The following MAS1 variants were observed in gnomAD, a reference collection of about 807,000 sequenced individuals.
The protein encoded by MAS1 is proto-oncogene Mas.
For missense variants in MAS1, 387 were observed against 409.7 expected, an observed-to-expected ratio of 0.94 and a Z score of 0.48; for synonymous variants, 163 against 164.2, an observed-to-expected ratio of 0.99 and a Z score of 0.05.
At chr6:159,893,327 G>C (rs1021565950) in intron 1 of MAS1, among the ~76,000 whole-genome samples, 1 of 152,208 alleles carries the variant, frequency 6.6e-6, no homozygotes, top group Non-Finnish European at 1.5e-5. Flanking sequence ...CTGCATGGGG[G>C]GTACAGGGAA....
rs907571960 is a variant in MAS1 at position 159,891,523 on chromosome 6, A to C, written c.-244+390A>C. ...AAGCTTATGAATGATAAAGAAGTTG[A>C]GGTTTGAAAGAGTTGTTACTGAATT... On this transcript the variant is annotated intron_variant, in intron 1 of 2. Coordinates refer to ENST00000674077, the MANE Select transcript of MAS1 (RefSeq NM_002377.4). 6.6e-5 allele frequency among the ~76,000 whole-genome samples: 10 copies of C among 152,198 alleles called. No homozygotes were observed. In the East Asian group the frequency reaches 1.9e-3, roughly 29 times the overall value.
chr6:159,907,996 G>C lies in MAS1; in HGVS notation c.*63G>C, dbSNP rs1782918494. The C allele has an allele frequency of 2.7e-6, 4 of 1,506,890 alleles. No individual in the cohort carries two copies. The South Asian group carries it at 5.4e-5, about 20-fold the overall frequency. The allele number at this position is 1,506,890 out of a possible 1,614,324, so 93.3% of individuals were successfully genotyped here. On this transcript the variant is annotated 3_prime_UTR_variant, in exon 3 of 3. Transcript: ENST00000674077. ...ACAGGTCATTTTTAGTTTGTGCTTGGAATATGACTTAAGTATCTCCTAAAT... is the reference window on the plus strand; with the variant it reads ...ACAGGTCATTTTTAGTTTGTGCTTGCAATATGACTTAAGTATCTCCTAAAT...
Position 159,907,607 on chromosome 6 carries a change from A to G in MAS1, c.652A>G (p.Thr218Ala). 5.0e-6 allele frequency: 8 copies of G among 1,613,752 alleles called. No homozygotes were observed. Among genetic ancestry groups the G allele is most frequent in the Non-Finnish European group, 6.8e-6 (8 of 1,179,942 alleles). The change falls in exon 3 of 3, where the codon ACG (threonine) becomes GCG (alanine). Residue 218 changes from threonine to alanine, a missense_variant. Transcript: ENST00000674077. ...TILVVKIRKN[T>A]WASHSSKLYI... Reference sequence around the variant, plus strand: ...CTTGGTCGTGAAGATCCGGAAGAACACGTGGGCTTCCCATTCCTCCAAGCT... The same window carrying G: ...CTTGGTCGTGAAGATCCGGAAGAACGCGTGGGCTTCCCATTCCTCCAAGCT...
At chr6:159,894,363 G>T (rs1341000385) in intron 1 of MAS1, among the ~76,000 whole-genome samples, 1 of 148,338 alleles carries the variant, frequency 6.7e-6, no homozygotes, top group Admixed American at 6.8e-5. Flanking sequence ...AGGCTGAATT[G>T]AGTGGAGATG....
At chr6:159,895,034 A>C (rs1336855292) in intron 1 of MAS1, among the ~76,000 whole-genome samples, 2 of 152,220 alleles carry the variant, frequency 1.3e-5, no homozygotes, top group Non-Finnish European at 2.9e-5. Flanking sequence ...TCTTTTAAGG[A>C]TCTTAATTAC....
chr6:159,889,254 C>A (rs1262483291), upstream of MAS1, among the ~76,000 whole-genome samples: 1 of 152,222 alleles, frequency 6.6e-6, no homozygotes, highest in African/African-American at 2.4e-5. Flanking sequence ...CTGTTAGGCA[C>A]TGGAAAAAGC....
rs1782912226 is a variant in MAS1 at position 159,907,708 on chromosome 6, C to T, written c.753C>T (p.Tyr251=). ...CCATGAGACTCCTTTACCTGCTGTA[C>T]TATGAGTATTGGTCGACCTTTGGGA... ...AMPMRLLYLL[Y]YEYWSTFGNL... Residue 251 remains tyrosine (Y), a synonymous_variant, in exon 3 of 3, where the codon TAC becomes TAT. Coordinates refer to ENST00000674077, the MANE Select transcript of MAS1 (RefSeq NM_002377.4). The T allele has an allele frequency of 1.2e-6, 2 of 1,613,724 alleles. No individual in the cohort carries two copies. Among genetic ancestry groups the T allele is most frequent in the Non-Finnish European group, 1.7e-6 (2 of 1,179,952 alleles).
chr6:159,907,684 C>A lies in MAS1; in HGVS notation c.729C>A (p.Pro243=). 5 of 1,613,744 alleles carry A rather than the reference C, an allele frequency of 3.1e-6. No individual in the cohort carries two copies. The highest frequency in any genetic ancestry group is 4.2e-6 in the Non-Finnish European group (5 of 1,179,952). Reference sequence around the variant, plus strand: ...TTATATTCCTCATCTTCGCTATGCCCATGAGACTCCTTTACCTGCTGTACT... The same window carrying A: ...TTATATTCCTCATCTTCGCTATGCCAATGAGACTCCTTTACCTGCTGTACT... The part of the protein sequence containing the change: ...TIIIFLIFAM[P]MRLLYLLYYE... Residue 243 remains proline, a synonymous_variant, in exon 3 of 3, where the codon CCC becomes CCA. Transcript: ENST00000674077.
chr6:159,916,345 G>A lies in MAS1; in HGVS notation c.*8412G>A, dbSNP rs1457062124. On this transcript the variant is annotated 3_prime_UTR_variant, in exon 3 of 3. Transcript: ENST00000674077. ...GGTGGTGGCCGGGGGCTGGAGGGAG[G>A]AGGGAGTGGGGAGTTAGTGTTTAGT... 6.6e-6 allele frequency: 1 copy of A among 152,180 alleles called. No individual in the cohort carries two copies. The highest frequency in any genetic ancestry group is 2.4e-5 in the African/African-American group (1 of 41,428). 9.4% of individuals were successfully genotyped at this position (152,180 alleles called of 1,614,324 possible).
At position 159,917,133 on chromosome 6, in the gene MAS1, CAATCCT is replaced by C; in HGVS notation, c.*9201_*9206del. ...GTGTGGCTGCAGCACGTCCATTTGA[CAATCCT>C]GACCTCGGTGGTGGCAAATCTTCCT... On this transcript the variant is annotated 3_prime_UTR_variant, in exon 3 of 3. Transcript: ENST00000674077. Among the ~76,000 whole-genome samples, 2 of 152,164 alleles carry C rather than the reference CAATCCT, an allele frequency of 1.3e-5. No homozygotes were observed. Among genetic ancestry groups the C allele is most frequent in the African/African-American group, 2.4e-5 (1 of 41,426 alleles).
At chr6:159,899,721 A>G (rs1225204597) in intron 2 of MAS1, among the ~76,000 whole-genome samples, 2 of 152,202 alleles carry the variant, frequency 1.3e-5, no homozygotes, top group Non-Finnish European at 2.9e-5. Context: ...TTTGGGCAAC[A>G]GAGCAAGACA....
chr6:159,905,250 G>C (rs1463739988), intron 2 of MAS1, among the ~76,000 whole-genome samples: 1 of 152,208 alleles, frequency 6.6e-6, no homozygotes, highest in African/African-American at 2.4e-5. Context: ...AGAATTTGGG[G>C]AACATGGTGG....
At chr6:159,897,878 A>G (rs1373924881) in intron 1 of MAS1, among the ~76,000 whole-genome samples, 2 of 152,094 alleles carry the variant, frequency 1.3e-5, no homozygotes, top group African/African-American at 4.8e-5. Context: ...AGTCACAACT[A>G]GAAATTAAAC....
intron 2 of MAS1, among the ~76,000 whole-genome samples, chr6:159,901,666 A>G (rs1000876959): frequency 6.6e-6 from 1 of 152,116 alleles, no homozygotes; most frequent in African/African-American, 2.4e-5. Flanking sequence ...GGGTATGAAC[A>G]TAGCAAGATC....
intron 2 of MAS1, among the ~76,000 whole-genome samples, chr6:159,901,112 CAGAG>C (rs771935044): frequency 4.3e-4 from 66 of 152,312 alleles, no homozygotes; most frequent in Non-Finnish European, 4.0e-4. Flanking sequence ...TGTGCCCTCA[CAGAG>C]AGAGATCTCT....
intron 2 of MAS1, among the ~76,000 whole-genome samples, chr6:159,901,803 C>T (rs868655679): frequency 3.8e-4 from 57 of 149,568 alleles, no homozygotes; most frequent in Middle Eastern, 6.8e-3. Context: ...CAATTAGTTA[C>T]GACCACACAG....
At position 159,907,930 on chromosome 6, in the gene MAS1, C is replaced by CT. The variant is rs1562312816; in HGVS notation, c.976dup (p.Ter326LeufsTer30). ...ATACGGTCACAGTTGAGACTGTCGT[C>CT]TAAGAACTGTGAGGGAAGTTGTGGA... is the stretch of plus-strand genomic sequence containing the variant. On this transcript the variant is annotated frameshift_variant, in exon 3 of 3. Coordinates refer to ENST00000674077, the MANE Select transcript of MAS1 (RefSeq NM_002377.4). LOFTEE classifies it high-confidence loss of function. The CT allele has an allele frequency of 1.3e-6, 2 of 1,584,622 alleles. No individual in the cohort carries two copies. Among genetic ancestry groups the CT allele is most frequent in the Non-Finnish European group, 1.7e-6 (2 of 1,165,310 alleles).
intron 1 of MAS1, among the ~76,000 whole-genome samples, chr6:159,893,404 A>C (rs1286225798): frequency 6.6e-6 from 1 of 152,150 alleles, no homozygotes; most frequent in Non-Finnish European, 1.5e-5. Flanking sequence ...CAGGGGGAGC[A>C]CTGGTCCAAC....
chr6:159,894,211 C>T (rs78977984), intron 1 of MAS1, among the ~76,000 whole-genome samples: 6,784 of 151,958 alleles, frequency 0.045, 391 homozygotes, highest in African/African-American at 0.13. Flanking sequence ...GGGTCGAGAA[C>T]GGAGCCTGCA....
Sources: gnomAD v4.1 joint callset for allele counts (sites outside exome capture counted in the v4.1 genomes callset) on GRCh38, gnomAD v4.1.1 for gene constraint, MANE v1.5 for transcripts, NCBI Gene and HGNC (gene_info 2026-07-23, HGNC 2026-07-21) for gene names.